The following ALYREF variants were observed in gnomAD, a reference collection of about 807,000 sequenced individuals.
ALYREF encodes Aly/REF export factor.
A neutral mutation model predicts 25.2 loss-of-function variants in ALYREF; 1 was observed. That is an observed-to-expected ratio of 0.04 (90% confidence interval 0.01 to 0.19). The LOEUF is 0.19. Ranked by LOEUF, ALYREF falls within the 10% of genes least tolerant of loss-of-function variation. ALYREF has a pLI of 1.00. For missense variants in ALYREF, 328 were observed against 375.6 expected (o/e 0.87, Z 1.05); for synonymous variants, 193 against 153.5 (o/e 1.26, Z -1.90).
At chr17:81,889,057 G>A in intron 3 of ALYREF, 125 bp downstream of exon 3, 2 of 1,475,520 alleles carry the variant, frequency 1.4e-6, no homozygotes, top group East Asian at 2.5e-5. Flanking sequence ...AGATGGAAGA[G>A]AGAGACAAAG....
chr17:81,890,527 G>A (rs191947278), intron 2 of ALYREF, among the ~76,000 whole-genome samples, 162 bp downstream of exon 2: 4 of 152,070 alleles, frequency 2.6e-5, no homozygotes, highest in Non-Finnish European at 5.9e-5. Flanking sequence ...ACCTGCCTGC[G>A]CACTGACCCC....
At chr17:81,890,869 G>C in intron 1 of ALYREF, 49 bp from the exon 2 acceptor site, 1 of 1,613,112 alleles carries the variant, frequency 6.2e-7, no homozygotes, top group Non-Finnish European at 8.5e-7. Context: ...TCAGTCCAGG[G>C]CTTTCCTGAC....
chr17:81,888,361 T>G lies in ALYREF; in HGVS notation c.660A>C (p.Gly220=), dbSNP rs749533457. 9 of 1,603,070 alleles carry G rather than the reference T, an allele frequency of 5.6e-6. No individual in the cohort carries two copies. The highest frequency in any genetic ancestry group is 7.6e-6 in the Non-Finnish European group (9 of 1,177,608). Residue 220 remains glycine, a synonymous_variant, in exon 5 of 6, where the codon GGA becomes GGC. Coordinates refer to ENST00000505490, the MANE Select transcript of ALYREF (RefSeq NM_005782.4). This position sits in a 1 kb window ranked among gnomAD's most constrained non-coding sequence, Gnocchi z 5.8. ...NRGAGGFGGG[G]GTRRGTRGGA... is the part of the protein sequence containing the mutation. The stretch of plus-strand genomic sequence containing the variant: ...CTCCGCGGGTGCCTCTCCGGGTGCC[T>G]CCACCACCACCAAAACCTCCAGCGC...
At chr17:81,889,601 A>G (rs2039475702) in intron 2 of ALYREF, among the ~76,000 whole-genome samples, 1 of 152,214 alleles carries the variant, frequency 6.6e-6, no homozygotes, top group Non-Finnish European at 1.5e-5. Flanking sequence ...ACGGGCACAA[A>G]ATTAAGCCAC....
chr17:81,890,689 C>G lies in ALYREF; in HGVS notation c.390G>C (p.Gln130His). The change falls in exon 2 of 6, where the codon CAG (glutamine) becomes CAC (histidine). Residue 130 changes from glutamine to histidine, a missense_variant and splice_region_variant. By Grantham distance (24) the Gln-to-His change is conservative. Around this residue, in one of 3 missense-constraint regions of ALYREF, gnomAD observed 70 missense variants for 129.9 expected, o/e 0.54. Transcript: ENST00000505490. ...TCACCGAGAAGCCCTCGTCTCTTAC[C>G]TGAATATCGGCGTCTGAGACTCCAA... is the stretch of plus-strand genomic sequence containing the variant. ...LDFGVSDADI[Q>H]ELFAEFGTLK... 1.2e-6 allele frequency: 2 copies of G among 1,613,868 alleles called. No homozygotes were observed. Among genetic ancestry groups the G allele is most frequent in the South Asian group, 1.1e-5 (1 of 91,082 alleles).
chr17:81,888,036 C>T lies in ALYREF; in HGVS notation c.*95G>A. 5.6e-6 allele frequency: 8 copies of T among 1,440,224 alleles called. No homozygotes were observed. Among genetic ancestry groups the T allele is most frequent in the Non-Finnish European group, 6.7e-6 (7 of 1,051,470 alleles). 89.2% of individuals were successfully genotyped at this position (1,440,224 alleles called of 1,614,324 possible). The stretch of plus-strand genomic sequence containing the variant: ...ATTTTAAAACATAAAAGAAACAAAT[C>T]CATCATTGGCCGCACAGCCCCAGCC... On this transcript the variant is annotated 3_prime_UTR_variant, in exon 6 of 6. Transcript: ENST00000505490. The surrounding 1 kb of genome is among the most constrained non-coding windows in gnomAD (Gnocchi z 5.8).
At position 81,888,181 on chromosome 17, in the gene ALYREF, G is replaced by T. The variant is rs759809685; in HGVS notation, c.781-36C>A. The T allele has an allele frequency of 1.9e-6, 3 of 1,614,060 alleles. No individual in the cohort carries two copies. The highest frequency in any genetic ancestry group is 2.5e-6 in the Non-Finnish European group (3 of 1,180,004). On this transcript the variant is annotated intron_variant, in intron 5 of 5. Transcript: ENST00000505490. The surrounding 1 kb of genome is among the most constrained non-coding windows in gnomAD (Gnocchi z 5.8). Reference sequence around the variant, plus strand: ...GAGGAGAAAGAGGCTTGCATTCACAGGCGGCCTGCTCCCCACTGCGGCTTT... The same window carrying T: ...GAGGAGAAAGAGGCTTGCATTCACATGCGGCCTGCTCCCCACTGCGGCTTT...
intron 1 of ALYREF, chr17:81,891,101 A>G (rs1226513352): frequency 3.0e-6 from 2 of 664,200 alleles, no homozygotes; most frequent in Non-Finnish European, 4.8e-6. Context: ...CGGAACAAAC[A>G]AAGAGCTGGG....
Position 81,888,872 on chromosome 17 carries a change from G to C in ALYREF, c.539-289C>G. ...TGGGTGACCTGACGAAGAAGAACCG[G>C]TACCTTTGTCTTTACGACTACAGCC... On this transcript the variant is annotated intron_variant, in intron 3 of 5. Transcript: ENST00000505490. The surrounding 1 kb of genome is among the most constrained non-coding windows in gnomAD (Gnocchi z 5.8). The C allele has an allele frequency of 7.1e-7, 1 of 1,408,482 alleles. No individual in the cohort carries two copies. The highest frequency in any genetic ancestry group is 9.2e-7 in the Non-Finnish European group (1 of 1,083,282). 87.2% of individuals were successfully genotyped at this position (1,408,482 alleles called of 1,614,324 possible).
intron 2 of ALYREF, 88 bp downstream of exon 2, chr17:81,890,601 G>A: frequency 6.4e-7 from 1 of 1,557,406 alleles, no homozygotes; most frequent in Non-Finnish European, 8.7e-7. Context: ...CTTCGCTAAG[G>A]CGGGAAGGGG....
In ALYREF at chr17:81,887,961, AAAAAAAAAAAAAG is replaced by A. The variant is rs1279364556; in HGVS notation, c.*157_*169del. ...CAAAACAGGTCTGTTTCAGAATTAA[AAAAAAAAAAAAAG>A]AAAAAAAAAAAACCTTTACATGAGT... is the stretch of plus-strand genomic sequence containing the variant. On this transcript the variant is annotated 3_prime_UTR_variant, in exon 6 of 6. Coordinates refer to ENST00000505490, the MANE Select transcript of ALYREF (RefSeq NM_005782.4). 380 of 733,188 alleles carry A rather than the reference AAAAAAAAAAAAAG, an allele frequency of 5.2e-4. No homozygotes were observed. The highest frequency in any genetic ancestry group is 1.6e-3 in the South Asian group (53 of 33,994). 45.4% of individuals were successfully genotyped at this position (733,188 alleles called of 1,614,324 possible).
At chr17:81,890,881 C>G in intron 1 of ALYREF, 61 bp from the exon 2 acceptor site, 1 of 1,609,480 alleles carries the variant, frequency 6.2e-7, no homozygotes, top group Non-Finnish European at 8.5e-7. Context: ...TTTCCTGACC[C>G]TCACGGCTAC....
rs2039528294 is a variant in ALYREF, at chr17:81,891,468, C to T, written c.113G>A (p.Arg38Gln). Residue 38 changes from arginine to glutamine, a missense_variant, in exon 1 of 6, where the codon CGG becomes CAG. Physicochemically the swap from Arg to Gln is conservative, Grantham distance 43 (BLOSUM62 1). Around this residue, in one of 3 missense-constraint regions of ALYREF, gnomAD observed 150 missense variants for 135.3 expected, o/e 1.11. Transcript: ENST00000505490. ...GCCGCGGCCGCCCTGGGAGCCGGCC[C>T]GGCCGCGGCCCCGGCCCCCGCCCCG... is the stretch of plus-strand genomic sequence containing the variant. ...GGRGGGRGRG[R>Q]AGSQGGRGGG... The T allele has an allele frequency of 1.8e-6, 2 of 1,120,990 alleles. No homozygotes were observed. Among genetic ancestry groups the T allele is most frequent in the Non-Finnish European group, 2.2e-6 (2 of 909,798 alleles). The allele number at this position is 1,120,990 out of a possible 1,614,324, so 69.4% of individuals were successfully genotyped here.
rs752483917 is a variant in ALYREF at position 81,888,209 on chromosome 17, C to G, written c.780+32G>C. On this transcript the variant is annotated intron_variant, in intron 5 of 5. Coordinates refer to ENST00000505490, the MANE Select transcript of ALYREF (RefSeq NM_005782.4). The surrounding 1 kb of genome is among the most constrained non-coding windows in gnomAD (Gnocchi z 5.8). ...GGCCTGCTCCCCACTGCGGCTTTGACCAGGCCCCCAGCTGGCTCCCCCGGG... is the reference window on the plus strand; with the variant it reads ...GGCCTGCTCCCCACTGCGGCTTTGAGCAGGCCCCCAGCTGGCTCCCCCGGG... 35 of 1,613,928 alleles carry G rather than the reference C, an allele frequency of 2.2e-5. No individual in the cohort carries two copies. The highest frequency in any genetic ancestry group is 3.0e-5 in the Non-Finnish European group (35 of 1,179,988).
chr17:81,890,948 G>C, intron 1 of ALYREF, 128 bp from the exon 2 acceptor site: 1 of 1,390,500 alleles, frequency 7.2e-7, no homozygotes, highest in South Asian at 1.3e-5. Flanking sequence ...GGCCGCCAGC[G>C]CTCCCTCCGG....
intron 1 of ALYREF, 122 bp from the exon 2 acceptor site, chr17:81,890,942 G>A (rs1298611730): frequency 2.8e-6 from 4 of 1,440,358 alleles, no homozygotes; most frequent in Non-Finnish European, 3.8e-6. Flanking sequence ...AAACGGGGCC[G>A]CCAGCGCTCC....
rs1011728766 is a variant in ALYREF at position 81,888,041 on chromosome 17, A to C, written c.*90T>G. ...AAAACATAAAAGAAACAAATCCATC[A>C]TTGGCCGCACAGCCCCAGCCACCGC... On this transcript the variant is annotated 3_prime_UTR_variant, in exon 6 of 6. Transcript: ENST00000505490. The surrounding 1 kb of genome is among the most constrained non-coding windows in gnomAD (Gnocchi z 5.8). 5.4e-6 allele frequency: 8 copies of C among 1,494,880 alleles called. No individual in the cohort carries two copies. Among genetic ancestry groups the C allele is most frequent in the Non-Finnish European group, 7.3e-6 (8 of 1,092,752 alleles). The allele number at this position is 1,494,880 out of a possible 1,614,324, so 92.6% of individuals were successfully genotyped here.
intron 2 of ALYREF, 151 bp downstream of exon 2, chr17:81,890,538 G>T: frequency 8.3e-7 from 1 of 1,211,024 alleles, no homozygotes; most frequent in Non-Finnish European, 1.1e-6. Flanking sequence ...CACTGACCCC[G>T]GCTTTACTAG....
chr17:81,889,981 T>C (rs578164585), intron 2 of ALYREF: 1 of 153,268 alleles, frequency 6.5e-6, no homozygotes, highest in African/African-American at 2.4e-5. Flanking sequence ...TTAAAAAAAG[T>C]GTTGAGACAC....
Sources: allele counts gnomAD v4.1 joint callset (sites outside exome capture counted in the v4.1 genomes callset), GRCh38; gene constraint gnomAD v4.1.1; regional missense constraint gnomAD v4.1.1; non-coding constraint Gnocchi (gnomAD v3.1); transcripts MANE v1.5; gene names NCBI Gene and HGNC (gene_info 2026-07-23, HGNC 2026-07-21).